Variants in MAGI2 observed in about 807,000 individuals in gnomAD.
MAGI2 encodes membrane-associated guanylate kinase, WW and PDZ domain-containing protein 2.
In MAGI2, 35 loss-of-function variants were observed where a neutral mutation model predicts 133.3. The ratio of observed to expected loss-of-function variants is 0.26; its 90% CI spans 0.20 to 0.35. MAGI2 has a LOEUF of 0.35. Among genes scored for constraint, MAGI2 ranks in the 10% least tolerant of loss-of-function variants. The probability of loss-of-function intolerance (pLI) is 1.00; values close to 1 mark genes in which losing one functional copy is unlikely to be tolerated. For synonymous variants in MAGI2, 729 were observed against 710.6 expected, an observed-to-expected ratio of 1.03 and a Z score of -0.41; for missense variants, 1,636 against 1,863.4, an observed-to-expected ratio of 0.88 and a Z score of 2.25.
rs1316977756 is a variant in MAGI2, at chr7:78,070,214, TATATACACAC to T, written c.3706+8723_3706+8732del. Among the ~76,000 whole-genome samples, 446 of 52,630 alleles carry T rather than the reference TATATACACAC, an allele frequency of 8.5e-3. 1 individual carries two copies. Among genetic ancestry groups the T allele is most frequent in the South Asian group, 0.026 (29 of 1,130 alleles). 34.5% of individuals were successfully genotyped at this position (52,630 alleles called of 152,430 possible). A position where few individuals can be genotyped will look rare whatever the true frequency, so the allele number is the denominator to read the frequency against. The stretch of plus-strand genomic sequence containing the variant: ...ATATATATATATATATATATATATA[TATATACACAC>T]ACACACACAGACATTCTGTCCCCTT... On this transcript the variant is annotated intron_variant, in intron 21 of 21. Transcript: ENST00000354212.
At chr7:78,693,540 TAC>T (rs1445479540) in intron 2 of MAGI2, among the ~76,000 whole-genome samples, 1 of 152,214 alleles carries the variant, frequency 6.6e-6, no homozygotes, top group Non-Finnish European at 1.5e-5. Context: ...TCTTCCTGTC[TAC>T]AGATATTTTC....
At chr7:79,336,489 TTATGTATAAGAAA>T (rs2129095732) in intron 1 of MAGI2, among the ~76,000 whole-genome samples, 1 of 152,218 alleles carries the variant, frequency 6.6e-6, no homozygotes, top group African/African-American at 2.4e-5. Context: ...TAAAAACAAA[TTATGTATAAGAAA>T]AAAGAAGGCG....
intron 1 of MAGI2, among the ~76,000 whole-genome samples, chr7:79,014,338 T>A (rs550970902): frequency 1.3e-5 from 2 of 152,220 alleles, no homozygotes; most frequent in South Asian, 4.1e-4. Flanking sequence ...AGAAAATGAG[T>A]TCTCAGTACA....
intron 2 of MAGI2, among the ~76,000 whole-genome samples, chr7:78,905,940 C>T (rs975138900): frequency 1.4e-4 from 22 of 152,212 alleles, no homozygotes; most frequent in African/African-American, 4.8e-4. Context: ...TACCCACATT[C>T]AAACTTTCAA....
intron 1 of MAGI2, among the ~76,000 whole-genome samples, chr7:79,431,602 C>A (rs1847782200): frequency 6.6e-6 from 1 of 152,060 alleles, no homozygotes; most frequent in Non-Finnish European, 1.5e-5. Context: ...TATAATTCTT[C>A]TAAATGTTTA....
chr7:78,697,255 A>G (rs1486586804), intron 2 of MAGI2, among the ~76,000 whole-genome samples: 15 of 152,012 alleles, frequency 9.9e-5, no homozygotes, highest in Admixed American at 6.6e-4. Context: ...CTGTTATTCT[A>G]TTCATGGAAA....
chr7:78,664,201 G>A (rs1486386147), intron 2 of MAGI2, among the ~76,000 whole-genome samples: 1 of 151,980 alleles, frequency 6.6e-6, no homozygotes, highest in Non-Finnish European at 1.5e-5. Context: ...ATATATGTGT[G>A]GACCCATGTT....
intron 2 of MAGI2, among the ~76,000 whole-genome samples, chr7:78,667,427 A>G (rs1399558232): frequency 6.6e-6 from 1 of 150,680 alleles, no homozygotes; most frequent in Non-Finnish European, 1.5e-5. Context: ...TTTAGGGTAC[A>G]TGTGCACAAT....
At chr7:79,027,638 T>C (rs1810032186) in intron 1 of MAGI2, among the ~76,000 whole-genome samples, 1 of 152,174 alleles carries the variant, frequency 6.6e-6, no homozygotes, top group Non-Finnish European at 1.5e-5. Flanking sequence ...TTAACAACAG[T>C]GTATTGTACA....
intron 10 of MAGI2, among the ~76,000 whole-genome samples, chr7:78,229,841 G>A (rs1027771241): frequency 8.5e-5 from 13 of 152,132 alleles, no homozygotes; most frequent in African/African-American, 3.1e-4. Context: ...AAGTGGTCAA[G>A]CATGTCAGAT....
chr7:79,190,434 G>A (rs1444737709), intron 1 of MAGI2, among the ~76,000 whole-genome samples: 1 of 151,786 alleles, frequency 6.6e-6, no homozygotes, highest in Non-Finnish European at 1.5e-5. Context: ...TTGTTGAAGT[G>A]TCTGTTCCTA....
intron 2 of MAGI2, among the ~76,000 whole-genome samples, chr7:78,963,724 T>C (rs1242915574): frequency 6.6e-6 from 1 of 151,948 alleles, no homozygotes; most frequent in African/African-American, 2.4e-5. Context: ...TCTCCTTTTT[T>C]TTCCTTAAAA....
intron 20 of MAGI2, among the ~76,000 whole-genome samples, chr7:78,090,723 A>G (rs543370279): frequency 1.3e-5 from 2 of 152,364 alleles, no homozygotes; most frequent in East Asian, 3.9e-4. Context: ...GGTAAAAACA[A>G]CACAATCTTC....
intron 2 of MAGI2, among the ~76,000 whole-genome samples, chr7:78,928,979 C>A (rs1799913347): frequency 6.6e-6 from 1 of 151,878 alleles, no homozygotes; most frequent in Non-Finnish European, 1.5e-5. Context: ...TTATTAAATG[C>A]TAATAGTTTT....
intron 12 of MAGI2, among the ~76,000 whole-genome samples, chr7:78,192,433 T>C (rs1828311255): frequency 6.6e-6 from 1 of 152,042 alleles, no homozygotes; most frequent in African/African-American, 2.4e-5. Flanking sequence ...CAATCATTAA[T>C]TAAAATCTTT....
intron 2 of MAGI2, among the ~76,000 whole-genome samples, chr7:78,664,509 ATAATTT>A (rs1420022682): frequency 1.3e-5 from 2 of 152,046 alleles, no homozygotes; most frequent in Non-Finnish European, 2.9e-5. Flanking sequence ...ACTTTCATAG[ATAATTT>A]TAAGATAAAT....
chr7:78,561,532 T>C (rs1800402030), intron 3 of MAGI2, among the ~76,000 whole-genome samples: 1 of 152,106 alleles, frequency 6.6e-6, no homozygotes, highest in Non-Finnish European at 1.5e-5. Context: ...AATTGTGGTT[T>C]TTGCAATTAA....
At chr7:78,772,193 A>G (rs1451506563) in intron 2 of MAGI2, among the ~76,000 whole-genome samples, 2 of 152,206 alleles carry the variant, frequency 1.3e-5, no homozygotes, top group Non-Finnish European at 2.9e-5. Context: ...TTCTATCTCT[A>G]CCACTGAATA....
chr7:78,827,398 C>T (rs1005189112), intron 2 of MAGI2, among the ~76,000 whole-genome samples: 1 of 152,166 alleles, frequency 6.6e-6, no homozygotes, highest in African/African-American at 2.4e-5. Flanking sequence ...CCTGCCTCAG[C>T]CTCCTGAATA....
Sources: allele counts gnomAD v4.1 joint callset (sites outside exome capture counted in the v4.1 genomes callset), GRCh38; gene constraint gnomAD v4.1.1; transcripts MANE v1.5; gene names NCBI Gene and HGNC (gene_info 2026-07-23, HGNC 2026-07-21).